PRKG2: variants seen among roughly 807,000 people sequenced by gnomAD.
PRKG2 encodes the protein cGMP-dependent protein kinase 2.
PRKG2 carries 33 observed loss-of-function variants against 97.2 expected under a neutral mutation model. The ratio of observed to expected loss-of-function variants is 0.34; its 90% confidence interval spans 0.26 to 0.45. The LOEUF (loss-of-function observed/expected upper bound fraction) is 0.45. Among genes scored for constraint, PRKG2 ranks in the 20% least tolerant of loss-of-function variants. The probability of loss-of-function intolerance (pLI) is 1.00; values close to 1 mark genes in which losing one functional copy is unlikely to be tolerated. For synonymous variants in PRKG2, 330 were observed against 321.8 expected, an observed-to-expected ratio of 1.03 and a Z score of -0.27; for missense variants, 638 against 900.0, an observed-to-expected ratio of 0.71 and a Z score of 3.73.
chr4:81,161,991 T>C (rs1192173357), intron 6 of PRKG2, among the ~76,000 whole-genome samples: 4 of 152,162 alleles, frequency 2.6e-5, no homozygotes, highest in Non-Finnish European at 5.9e-5. Context: ...AAAGGCAATG[T>C]TGCCTGAAAT....
intron 2 of PRKG2, among the ~76,000 whole-genome samples, chr4:81,193,629 C>G (rs1752745962): frequency 6.6e-6 from 1 of 152,212 alleles, no homozygotes; most frequent in East Asian, 1.9e-4. Context: ...CACCTGAGGT[C>G]AGGAGTTCTA....
intron 6 of PRKG2, 49 bp downstream of exon 6, chr4:81,167,112 A>C: frequency 8.0e-7 from 1 of 1,246,690 alleles, no homozygotes; most frequent in Non-Finnish European, 1.1e-6. Flanking sequence ...ATATAAGTAC[A>C]TTCTAATATC....
intron 14 of PRKG2, among the ~76,000 whole-genome samples, chr4:81,127,911 T>C (rs1039125487): frequency 2.0e-5 from 3 of 152,180 alleles, no homozygotes; most frequent in African/African-American, 7.2e-5. Flanking sequence ...CTTCTGCTGG[T>C]TTTCAAAGGG....
chr4:81,204,214 ACT>A (rs1753498593), intron 2 of PRKG2, among the ~76,000 whole-genome samples: 2 of 146,306 alleles, frequency 1.4e-5, no homozygotes, highest in African/African-American at 2.5e-5. Context: ...CTAAAATGTG[ACT>A]CTCTTTTTTT....
At chr4:81,117,998 C>T (rs1186919151) in intron 14 of PRKG2, among the ~76,000 whole-genome samples, 2 of 152,182 alleles carry the variant, frequency 1.3e-5, no homozygotes, top group Non-Finnish European at 2.9e-5. Context: ...CTATTCATTT[C>T]TACTCCCCTG....
rs368293735 is a variant in PRKG2 at position 81,204,900 on chromosome 4, G to T, written c.148C>A (p.His50Asn). Reference sequence around the variant, plus strand: ...AGCTGCTCCCGCAGCTCCTTCAAATGGTACTCCCGCTCCTGGATCTCAGCA... The same window carrying T: ...AGCTGCTCCCGCAGCTCCTTCAAATTGTACTCCCGCTCCTGGATCTCAGCA... ...KDAEIQEREY[H>N]LKELREQLSK... Residue 50 changes from histidine to asparagine, a missense_variant, in exon 2 of 19, where the codon CAT (histidine) becomes AAT (asparagine). Coordinates refer to ENST00000264399, the MANE Select transcript of PRKG2 (RefSeq NM_006259.3). 6.2e-7 allele frequency: 1 copy of T among 1,614,118 alleles called. No homozygotes were observed. The highest frequency in any genetic ancestry group is 8.5e-7 in the Non-Finnish European group (1 of 1,180,034).
chr4:81,110,692 C>A, intron 14 of PRKG2, 81 bp from the exon 15 acceptor site: 2 of 1,437,082 alleles, frequency 1.4e-6, no homozygotes, highest in Non-Finnish European at 1.9e-6. Context: ...CCTCTGAAAT[C>A]TGCTTTCTAC....
rs370764328 is a variant in PRKG2, at chr4:81,140,627, T to C, written c.1450A>G (p.Ile484Val). 3.1e-6 allele frequency: 5 copies of C among 1,611,190 alleles called. No homozygotes were observed. The highest frequency in any genetic ancestry group is 4.2e-6 in the Non-Finnish European group (5 of 1,177,826). Reference sequence around the variant, plus strand: ...GTGTCAACTATGTGCTTCTTCCTTATACACTTCATAGCAAAAGCAACATTC... The same window carrying C: ...GTGTCAACTATGTGCTTCTTCCTTACACACTTCATAGCAAAAGCAACATTC... ...NENVAFAMKC[I>V]RKKHIVDTKQ... The change falls in exon 12 of 19, where the codon ATA (isoleucine) becomes GTA (valine). Residue 484 changes from isoleucine (I) to valine (V), a missense_variant. Physicochemically the swap from Ile to Val is conservative, Grantham distance 29. Around this residue, in one of 3 missense-constraint regions of PRKG2, gnomAD observed 304 missense variants for 460.5 expected, o/e 0.66. Transcript: ENST00000264399.
At chr4:81,190,788 A>G (rs549468000) in intron 2 of PRKG2, among the ~76,000 whole-genome samples, 1 of 152,354 alleles carries the variant, frequency 6.6e-6, no homozygotes, top group South Asian at 2.1e-4. Flanking sequence ...ATGAATAGAC[A>G]CTTCTGAAAA....
chr4:81,125,000 G>C (rs779233133), intron 14 of PRKG2, among the ~76,000 whole-genome samples: 30 of 151,584 alleles, frequency 2.0e-4, no homozygotes, highest in Non-Finnish European at 3.2e-4. Context: ...TTTTGTCTAC[G>C]ACTCCACTCT....
chr4:81,145,837 G>A (rs1747803403), intron 9 of PRKG2, among the ~76,000 whole-genome samples: 2 of 152,228 alleles, frequency 1.3e-5, no homozygotes, highest in African/African-American at 2.4e-5. Context: ...AAAAGAGTGA[G>A]TTTACCTCAA....
intron 13 of PRKG2, among the ~76,000 whole-genome samples, chr4:81,135,964 T>A (rs1746653770): frequency 6.6e-6 from 1 of 152,146 alleles, no homozygotes. Context: ...TTAACTGTTC[T>A]GAGGCTCAGA....
intron 2 of PRKG2, among the ~76,000 whole-genome samples, chr4:81,194,059 C>A (rs934683896): frequency 6.6e-6 from 1 of 152,102 alleles, no homozygotes; most frequent in African/African-American, 2.4e-5. Context: ...TTCTACCCTA[C>A]CAAGTAAAGA....
chr4:81,186,899 C>T (rs1006330352), intron 2 of PRKG2, among the ~76,000 whole-genome samples: 5 of 152,118 alleles, frequency 3.3e-5, no homozygotes, highest in Admixed American at 6.6e-5. Context: ...TACCTGGACA[C>T]ATAAACCCTC....
chr4:81,184,785 A>C (rs1751727189), intron 2 of PRKG2, among the ~76,000 whole-genome samples: 1 of 152,222 alleles, frequency 6.6e-6, no homozygotes, highest in African/African-American at 2.4e-5. Flanking sequence ...ACCAGTTTAG[A>C]GAAGAACATA....
chr4:81,105,973 C>A (rs764503735), intron 15 of PRKG2, 38 bp from the exon 16 acceptor site: 2 of 1,591,062 alleles, frequency 1.3e-6, no homozygotes, highest in Non-Finnish European at 1.7e-6. Context: ...ACATTAATAA[C>A]AGGGTCTGAG....
At position 81,132,298 on chromosome 4, in the gene PRKG2, T is replaced by A. The variant is rs539484254; in HGVS notation, c.1776+2857A>T. Among the ~76,000 whole-genome samples the A allele has an allele frequency of 2.0e-5, 3 of 152,238 alleles. No homozygotes were observed. The South Asian group carries it at 6.2e-4, about 32-fold the overall frequency. The stretch of plus-strand genomic sequence containing the variant: ...TGTTTCAAGTACCTCTTTGGTAGAG[T>A]CTTCAGACTTTTCTAAATAAAAATT... On this transcript the variant is annotated intron_variant, in intron 14 of 18. Coordinates refer to ENST00000264399, the MANE Select transcript of PRKG2 (RefSeq NM_006259.3).
chr4:81,122,329 T>C (rs1578376745), intron 14 of PRKG2, among the ~76,000 whole-genome samples: 1 of 152,302 alleles, frequency 6.6e-6, no homozygotes, highest in East Asian at 1.9e-4. Context: ...TAGGAAACTC[T>C]GGGATGGGCA....
intron 6 of PRKG2, among the ~76,000 whole-genome samples, chr4:81,158,617 C>T (rs1560590366): frequency 6.6e-6 from 1 of 151,898 alleles, no homozygotes; most frequent in Non-Finnish European, 1.5e-5. Context: ...CATATGGAAC[C>T]AAAAAAGAGC....
Sources: allele counts gnomAD v4.1 joint callset (sites outside exome capture counted in the v4.1 genomes callset), GRCh38; gene constraint gnomAD v4.1.1; regional missense constraint gnomAD v4.1.1; transcripts MANE v1.5; gene names NCBI Gene and HGNC (gene_info 2026-07-23, HGNC 2026-07-21).